SLMAP: variants seen among roughly 807,000 people sequenced by gnomAD.
The protein encoded by SLMAP is sarcolemmal membrane-associated protein.
Under a neutral mutation model 128.8 loss-of-function variants are expected in SLMAP, and 44 were observed. The ratio of observed to expected loss-of-function variants is 0.34; its 90% CI spans 0.27 to 0.44. The LOEUF (loss-of-function observed/expected upper bound fraction) is 0.44. Among genes scored for constraint, SLMAP ranks in the 20% least tolerant of loss-of-function variants. SLMAP has a pLI of 1.00. For missense variants in SLMAP, 787 were observed against 985.3 expected (o/e 0.80, Z 2.69); for synonymous variants, 327 against 348.8 (o/e 0.94, Z 0.70).
At chr3:57,895,953 A>AG (rs1187048353) in intron 15 of SLMAP, among the ~76,000 whole-genome samples, 2 of 152,040 alleles carry the variant, frequency 1.3e-5, no homozygotes, top group African/African-American at 4.8e-5. Flanking sequence ...CAAAAAAAAA[A>AG]AAAAAGTTTT....
At chr3:57,926,756 A>G (rs189086488) in intron 24 of SLMAP, among the ~76,000 whole-genome samples, 5 of 152,348 alleles carry the variant, frequency 3.3e-5, no homozygotes, top group Admixed American at 3.3e-4. Context: ...TCAGACAGGC[A>G]GGATCCCTAA....
intron 2 of SLMAP, among the ~76,000 whole-genome samples, chr3:57,764,916 T>G (rs971627540): frequency 2.0e-5 from 3 of 152,232 alleles, no homozygotes; most frequent in African/African-American, 7.2e-5. Flanking sequence ...TGAAAAAAGA[T>G]AAGAGTATTA....
At chr3:57,768,267 G>A (rs183941683) in intron 2 of SLMAP, among the ~76,000 whole-genome samples, 1 of 152,246 alleles carries the variant, frequency 6.6e-6, no homozygotes, top group East Asian at 1.9e-4. Flanking sequence ...CATAGAAACT[G>A]TGTGTTAAGA....
At chr3:57,849,024 T>C (rs1577561985) in intron 5 of SLMAP, among the ~76,000 whole-genome samples, 1 of 151,822 alleles carries the variant, frequency 6.6e-6, no homozygotes, top group African/African-American at 2.4e-5. Flanking sequence ...TCTTTTTTTT[T>C]TGAGATGGAG....
At chr3:57,771,913 A>G (rs950203803) in intron 2 of SLMAP, among the ~76,000 whole-genome samples, 3 of 152,234 alleles carry the variant, frequency 2.0e-5, no homozygotes, top group Non-Finnish European at 2.9e-5. Context: ...GATCCGCCTT[A>G]CTTGAAGATT....
At chr3:57,835,293 A>C (rs991729283) in intron 3 of SLMAP, among the ~76,000 whole-genome samples, 7 of 151,966 alleles carry the variant, frequency 4.6e-5, no homozygotes, top group East Asian at 3.9e-4. Context: ...CCTGGCCCCC[A>C]AATTTTTTTT....
intron 2 of SLMAP, among the ~76,000 whole-genome samples, chr3:57,787,847 A>G (rs995618878): frequency 4.6e-5 from 7 of 152,240 alleles, no homozygotes; most frequent in Non-Finnish European, 8.8e-5. Flanking sequence ...AGTGAAAGAT[A>G]TGATCCTTGC....
rs1196878259 is a variant in SLMAP at position 57,762,293 on chromosome 3, C to T, written c.198+4444C>T. Among the ~76,000 whole-genome samples, 6 of 151,596 alleles carry T rather than the reference C, an allele frequency of 4.0e-5. 1 individual carries two copies. The South Asian group carries it at 6.3e-4, about 16-fold the overall frequency. Reference sequence around the variant, plus strand: ...CTGAGGCAGGAGAATTGCTTGAACCCGGGAGGCGGAGGTTGCAGTGAGCTG... The same window carrying T: ...CTGAGGCAGGAGAATTGCTTGAACCTGGGAGGCGGAGGTTGCAGTGAGCTG... On this transcript the variant is annotated intron_variant, in intron 2 of 24. Coordinates refer to ENST00000671191, the MANE Select transcript of SLMAP (RefSeq NM_001377540.1).
At chr3:57,827,113 C>T (rs945652384) in intron 2 of SLMAP, among the ~76,000 whole-genome samples, 3 of 152,210 alleles carry the variant, frequency 2.0e-5, no homozygotes, top group Non-Finnish European at 4.4e-5. Flanking sequence ...CTTAAGAACT[C>T]CCCTATATGG....
intron 2 of SLMAP, among the ~76,000 whole-genome samples, chr3:57,822,280 G>A (rs2092585362): frequency 6.6e-6 from 1 of 152,208 alleles, no homozygotes; most frequent in South Asian, 2.1e-4. Flanking sequence ...GAGTGTTTAA[G>A]TAGGGAAGAA....
At chr3:57,828,539 G>C (rs776212304) in intron 2 of SLMAP, among the ~76,000 whole-genome samples, 1 of 152,216 alleles carries the variant, frequency 6.6e-6, no homozygotes, top group African/African-American at 2.4e-5. Context: ...AGAAGGAAAA[G>C]AGTGGGAGTG....
chr3:57,859,358 C>G (rs1228137537), intron 8 of SLMAP, among the ~76,000 whole-genome samples: 1 of 150,506 alleles, frequency 6.6e-6, no homozygotes, highest in Non-Finnish European at 1.5e-5. Context: ...AGTTTGAGAC[C>G]AGTATGGGCA....
intron 22 of SLMAP, chr3:57,918,004 C>G (rs891069786): frequency 3.3e-5 from 5 of 152,082 alleles, no homozygotes; most frequent in Non-Finnish European, 7.4e-5. Context: ...CTTTTCTTTC[C>G]TTGTAGTGTC....
In SLMAP at chr3:57,929,437, A is replaced by G. The variant is rs1158502361; in HGVS notation, c.*2148A>G. Among the ~76,000 whole-genome samples, 3 of 152,188 alleles carry G rather than the reference A, an allele frequency of 2.0e-5. No individual in the cohort carries two copies. The highest frequency in any genetic ancestry group is 3.8e-4 in the East Asian group (2 of 5,202). ...TCTTTAAATGTAAGGTCTAGTATCAATATTTACTTCATTCAAGTGGAATAA... is the reference window on the plus strand; with the variant it reads ...TCTTTAAATGTAAGGTCTAGTATCAGTATTTACTTCATTCAAGTGGAATAA... On this transcript the variant is annotated 3_prime_UTR_variant, in exon 25 of 25. Transcript: ENST00000671191.
intron 19 of SLMAP, 22 bp downstream of exon 19, chr3:57,909,172 T>C (rs1238447378): frequency 3.9e-6 from 6 of 1,521,848 alleles, no homozygotes; most frequent in Non-Finnish European, 5.4e-6. Context: ...CCCAAGGCTC[T>C]TTGAGATTGT....
chr3:57,858,148 G>A lies in SLMAP; in HGVS notation c.676G>A (p.Ala226Thr). 6.3e-7 allele frequency: 1 copy of A among 1,587,922 alleles called. No individual in the cohort carries two copies. Among genetic ancestry groups the A allele is most frequent in the South Asian group, 1.1e-5 (1 of 90,528 alleles). ...AGAAGTTATGGGAAACCAATTACAG[G>A]CATGCTCCAAAGTAGGTATTAACCT... ...RLEVMGNQLQ[A>T]CSKNQTEDSL... Residue 226 changes from alanine to threonine, a missense_variant, in exon 8 of 25, where the codon GCA becomes ACA. Transcript: ENST00000671191.
At chr3:57,802,543 G>A (rs1384458616) in intron 2 of SLMAP, among the ~76,000 whole-genome samples, 2 of 152,118 alleles carry the variant, frequency 1.3e-5, no homozygotes, top group Non-Finnish European at 2.9e-5. Flanking sequence ...TGGCCTCCCA[G>A]TCTTGAGCCA....
At chr3:57,890,141 G>C in intron 15 of SLMAP, 41 bp downstream of exon 15, 7 of 1,584,264 alleles carry the variant, frequency 4.4e-6, no homozygotes, top group Non-Finnish European at 6.1e-6. Flanking sequence ...CAGTTCTTTT[G>C]GATAATGAAG....
At chr3:57,805,092 T>C (rs747583059) in intron 2 of SLMAP, among the ~76,000 whole-genome samples, 4 of 152,220 alleles carry the variant, frequency 2.6e-5, no homozygotes, top group Non-Finnish European at 5.9e-5. Flanking sequence ...GTATTAGCCC[T>C]TGACTGTTTC....
Sources: allele counts gnomAD v4.1 joint callset (sites outside exome capture counted in the v4.1 genomes callset), GRCh38; gene constraint gnomAD v4.1.1; transcripts MANE v1.5; gene names NCBI Gene and HGNC (gene_info 2026-07-23, HGNC 2026-07-21).